The following LRRC4C variants were observed in gnomAD, a reference collection of about 807,000 sequenced individuals.
The protein encoded by LRRC4C is leucine rich repeat containing 4C.
In LRRC4C, 5 loss-of-function variants were observed where a neutral mutation model predicts 33.6. The observed-to-expected ratio is 0.15, with a 90% confidence interval of 0.08 to 0.31. The LOEUF is 0.31. LRRC4C is among the 10% of genes least tolerant of loss of function. LRRC4C has a pLI of 1.00. For missense variants in LRRC4C, 560 were observed against 796.7 expected (o/e 0.70, Z 3.58); for synonymous variants, 329 against 302.0 (o/e 1.09, Z -0.93).
chr11:41,209,176 C>A (rs1946720192), intron 1 of LRRC4C, among the ~76,000 whole-genome samples: 1 of 151,134 alleles, frequency 6.6e-6, no homozygotes, highest in Non-Finnish European at 1.5e-5. Context: ...AACCAACCTG[C>A]ACATGTATCC....
intron 3 of LRRC4C, among the ~76,000 whole-genome samples, chr11:40,438,037 C>A (rs1460690260): frequency 6.6e-6 from 1 of 152,140 alleles, no homozygotes; most frequent in African/African-American, 2.4e-5. Flanking sequence ...AAGGCAATGC[C>A]CTTGAAGTGA....
chr11:40,588,240 C>G (rs551184774), intron 3 of LRRC4C, among the ~76,000 whole-genome samples: 62 of 150,700 alleles, frequency 4.1e-4, no homozygotes, highest in Admixed American at 1.9e-3. Flanking sequence ...TCCATTTCTT[C>G]TAGATTTTCT....
intron 1 of LRRC4C, among the ~76,000 whole-genome samples, chr11:41,366,238 ATAGATAGG>A (rs1299331663): frequency 6.3e-4 from 83 of 132,070 alleles, no homozygotes; most frequent in African/African-American, 2.4e-3. Flanking sequence ...AGATAGATAG[ATAGATAGG>A]TAGATATCCT....
intron 2 of LRRC4C, among the ~76,000 whole-genome samples, chr11:40,705,889 A>G (rs1946146076): frequency 1.3e-5 from 2 of 152,144 alleles, no homozygotes; most frequent in East Asian, 3.9e-4. Context: ...CTTTTTAATG[A>G]TCACCATTCT....
chr11:41,034,607 G>GTATATATA (rs59350888), intron 1 of LRRC4C, among the ~76,000 whole-genome samples: 1,794 of 96,686 alleles, frequency 0.019, 12 homozygotes, highest in African/African-American at 0.025. Flanking sequence ...ATATGGTGAC[G>GTATATATA]TATATATATA....
chr11:40,933,911 A>G (rs963289724), intron 1 of LRRC4C, among the ~76,000 whole-genome samples, 188 bp from the exon 2 acceptor site: 1 of 152,178 alleles, frequency 6.6e-6, no homozygotes, highest in South Asian at 2.1e-4. Context: ...CTTTTCCCAG[A>G]ATATAAAAGG....
chr11:40,208,373 C>A (rs995878775), intron 5 of LRRC4C, among the ~76,000 whole-genome samples: 1 of 152,124 alleles, frequency 6.6e-6, no homozygotes, highest in East Asian at 1.9e-4. Context: ...AGTCAGATAC[C>A]TACAATTTAC....
intron 1 of LRRC4C, among the ~76,000 whole-genome samples, chr11:41,055,209 G>A (rs1858534156): frequency 6.6e-6 from 1 of 151,982 alleles, no homozygotes; most frequent in South Asian, 2.1e-4. Context: ...CTCTTGTGGT[G>A]TCTGGTTCTT....
At chr11:40,642,337 T>C (rs1032278813) in intron 3 of LRRC4C, among the ~76,000 whole-genome samples, 40 of 152,192 alleles carry the variant, frequency 2.6e-4, no homozygotes, top group African/African-American at 9.7e-4. Flanking sequence ...AAATGTGACA[T>C]ATTGTATCTA....
chr11:40,979,785 G>A (rs1262647418), intron 1 of LRRC4C, among the ~76,000 whole-genome samples: 1 of 152,062 alleles, frequency 6.6e-6, no homozygotes, highest in Non-Finnish European at 1.5e-5. Flanking sequence ...TCCTTGTCTG[G>A]ACCACATACA....
chr11:40,224,970 T>G (rs773655945), intron 5 of LRRC4C, among the ~76,000 whole-genome samples: 1 of 152,040 alleles, frequency 6.6e-6, no homozygotes, highest in Non-Finnish European at 1.5e-5. Flanking sequence ...AATAAAAGAG[T>G]TACTACAATA....
At chr11:40,916,910 G>T (rs1956986894) in intron 2 of LRRC4C, among the ~76,000 whole-genome samples, 1 of 151,890 alleles carries the variant, frequency 6.6e-6, no homozygotes, top group Admixed American at 6.6e-5. Context: ...TTATGCAATT[G>T]CAATAGACAA....
At chr11:40,572,798 G>A (rs1591145550) in intron 3 of LRRC4C, among the ~76,000 whole-genome samples, 1 of 152,262 alleles carries the variant, frequency 6.6e-6, no homozygotes, top group South Asian at 2.1e-4. Context: ...ATAAGAGTTT[G>A]ATCACATTTC....
chr11:41,290,021 TGTA>T (rs940443967), intron 1 of LRRC4C, among the ~76,000 whole-genome samples: 11 of 152,218 alleles, frequency 7.2e-5, no homozygotes, highest in African/African-American at 1.2e-4. Context: ...ATTCCTTTCC[TGTA>T]GTAGTAGGTG....
intron 1 of LRRC4C, among the ~76,000 whole-genome samples, chr11:41,342,034 C>A (rs1220968877): frequency 6.6e-6 from 1 of 151,430 alleles, no homozygotes; most frequent in Non-Finnish European, 1.5e-5. Flanking sequence ...CCTGGTTTCT[C>A]AAAGTCACAT....
At chr11:40,313,773 A>AT (rs71060951) in intron 4 of LRRC4C, among the ~76,000 whole-genome samples, 143,383 of 148,564 alleles carry the variant, frequency 0.97, 69,388 homozygotes, top group Non-Finnish European at 0.99. Flanking sequence ...ATGCCTGGCT[A>AT]TTTTTTTTTA....
At chr11:41,057,291 C>T (rs528604254) in intron 1 of LRRC4C, among the ~76,000 whole-genome samples, 1 of 152,316 alleles carries the variant, frequency 6.6e-6, no homozygotes, top group Admixed American at 6.5e-5. Flanking sequence ...GCTGAAACAC[C>T]AGTCCCTTGC....
At chr11:40,638,897 T>G (rs1009684958) in intron 3 of LRRC4C, among the ~76,000 whole-genome samples, 3 of 152,102 alleles carry the variant, frequency 2.0e-5, no homozygotes, top group African/African-American at 7.2e-5. Flanking sequence ...CTAAAAGAGT[T>G]CCTTGCCTAG....
chr11:41,351,944 T>G (rs1339898077), intron 1 of LRRC4C, among the ~76,000 whole-genome samples: 1 of 152,130 alleles, frequency 6.6e-6, no homozygotes, highest in Non-Finnish European at 1.5e-5. Flanking sequence ...CATAGATGAC[T>G]GACACTAAAA....
Sources: gnomAD v4.1 joint callset for allele counts (sites outside exome capture counted in the v4.1 genomes callset) on GRCh38, gnomAD v4.1.1 for gene constraint, MANE v1.5 for transcripts, NCBI Gene and HGNC (gene_info 2026-07-23, HGNC 2026-07-21) for gene names.